Variants in VPS54 observed in about 807,000 individuals in gnomAD.
VPS54 encodes the protein VPS54 subunit of GARP complex, also known as vacuolar protein sorting-associated protein 54.
Under a neutral mutation model 121.5 loss-of-function variants are expected in VPS54, and 45 were observed. The ratio of observed to expected loss-of-function variants is 0.37; its 90% CI spans 0.29 to 0.47. The LOEUF (loss-of-function observed/expected upper bound fraction) is 0.47, where lower values mean the gene tolerates loss of function less well. Ranked by LOEUF, VPS54 falls within the 20% of genes least tolerant of loss-of-function variation. The probability of loss-of-function intolerance (pLI) is 0.99; values close to 1 mark genes in which losing one functional copy is unlikely to be tolerated. For missense variants in VPS54, 1,090 were observed against 1,131.4 expected, an observed-to-expected ratio of 0.96 and a Z score of 0.52; for synonymous variants, 371 against 385.8, an observed-to-expected ratio of 0.96 and a Z score of 0.45.
At chr2:64,005,826 A>C (rs904335572) in intron 1 of VPS54, among the ~76,000 whole-genome samples, 1 of 152,234 alleles carries the variant, frequency 6.6e-6, no homozygotes, top group Non-Finnish European at 1.5e-5. Flanking sequence ...AAGTTCACAG[A>C]TTCCCTGAAT....
intron 2 of VPS54, 126 bp downstream of exon 2, chr2:63,983,738 G>C: frequency 7.8e-7 from 1 of 1,275,942 alleles, no homozygotes; most frequent in African/African-American, 1.5e-5. Flanking sequence ...CACCGTGCCC[G>C]GCCCCCCCAA....
chr2:63,985,101 C>T (rs934777457), intron 1 of VPS54, among the ~76,000 whole-genome samples: 4 of 152,164 alleles, frequency 2.6e-5, no homozygotes, highest in Non-Finnish European at 4.4e-5. Flanking sequence ...AGGCGGATTA[C>T]TTGAGTCCTG....
At chr2:63,948,532 G>C (rs1046700054) in intron 8 of VPS54, among the ~76,000 whole-genome samples, 5 of 151,002 alleles carry the variant, frequency 3.3e-5, no homozygotes, top group African/African-American at 1.2e-4. Flanking sequence ...AAGTAGCTGG[G>C]ACTACAGGTG....
intron 7 of VPS54, among the ~76,000 whole-genome samples, chr2:63,951,983 C>CTA (rs1218621574): frequency 6.6e-6 from 1 of 152,130 alleles, no homozygotes; most frequent in Non-Finnish European, 1.5e-5. Flanking sequence ...TAACTATTTA[C>CTA]TGAATATCAA....
At chr2:63,980,307 T>C (rs1453008849) in intron 3 of VPS54, among the ~76,000 whole-genome samples, 2 of 152,150 alleles carry the variant, frequency 1.3e-5, no homozygotes, top group Non-Finnish European at 2.9e-5. Context: ...GTATATATTT[T>C]TTCCTCCTTT....
chr2:63,995,417 C>A (rs1677533742), intron 1 of VPS54, among the ~76,000 whole-genome samples: 1 of 152,222 alleles, frequency 6.6e-6, no homozygotes. Flanking sequence ...CTTGGGAATC[C>A]TCCCCCTCAA....
chr2:63,963,892 G>C (rs1037425565), intron 6 of VPS54, among the ~76,000 whole-genome samples: 1 of 151,942 alleles, frequency 6.6e-6, no homozygotes, highest in African/African-American at 2.4e-5. Context: ...TGTTTAACAG[G>C]GCCATAATAA....
At chr2:63,993,267 C>T (rs1271812860) in intron 1 of VPS54, among the ~76,000 whole-genome samples, 1 of 152,310 alleles carries the variant, frequency 6.6e-6, no homozygotes, top group East Asian at 1.9e-4. Context: ...TTAACACCTA[C>T]TTTAGGCATT....
intron 3 of VPS54, among the ~76,000 whole-genome samples, chr2:63,981,245 A>G (rs1362854143): frequency 6.6e-6 from 1 of 152,068 alleles, no homozygotes; most frequent in Non-Finnish European, 1.5e-5. Flanking sequence ...ATGTCTGGAG[A>G]TATTATAACT....
At position 63,900,506 on chromosome 2, in the gene VPS54, C is replaced by A. The variant is rs532483386; in HGVS notation, c.2626-925G>T. On this transcript the variant is annotated intron_variant, in intron 20 of 22. Coordinates refer to ENST00000272322, the MANE Select transcript of VPS54 (RefSeq NM_016516.3). ...GAATTCACACAGCTGAAGTTATATA[C>A]CGTTTTATTTATAAGACAAATTTGG... 2.0e-5 allele frequency among the ~76,000 whole-genome samples: 3 copies of A among 152,146 alleles called. No individual in the cohort carries two copies. In the South Asian group the frequency reaches 6.2e-4, roughly 32 times the overall value.
intron 12 of VPS54, among the ~76,000 whole-genome samples, chr2:63,932,690 A>G (rs1464594216): frequency 1.3e-5 from 2 of 151,968 alleles, no homozygotes; most frequent in East Asian, 1.9e-4. Context: ...ATAATAAAGT[A>G]CTGAGTTGAT....
intron 17 of VPS54, chr2:63,913,709 C>A: frequency 2.7e-6 from 1 of 373,654 alleles, no homozygotes; most frequent in Admixed American, 6.1e-5. Context: ...AATAATAAAG[C>A]ATTTCCTCCG....
intron 4 of VPS54, among the ~76,000 whole-genome samples, chr2:63,970,092 G>T (rs1676195222): frequency 6.6e-6 from 1 of 151,262 alleles, no homozygotes; most frequent in African/African-American, 2.4e-5. Flanking sequence ...TGCCTCTGCT[G>T]TGAGCTTGGT....
At chr2:63,949,437 A>T (rs1222773996) in intron 7 of VPS54, among the ~76,000 whole-genome samples, 4 of 152,080 alleles carry the variant, frequency 2.6e-5, no homozygotes, top group Admixed American at 2.6e-4. Context: ...ATAACTTTTG[A>T]CTCCCCAAAA....
chr2:63,927,589 C>G (rs964285367), intron 12 of VPS54, among the ~76,000 whole-genome samples: 2 of 152,110 alleles, frequency 1.3e-5, no homozygotes, highest in Non-Finnish European at 2.9e-5. Context: ...CTCCAAAAGC[C>G]AGAATACCTC....
chr2:63,979,830 T>C (rs1227915733), intron 3 of VPS54, among the ~76,000 whole-genome samples: 1 of 152,214 alleles, frequency 6.6e-6, no homozygotes, highest in Non-Finnish European at 1.5e-5. Flanking sequence ...TATACTGTGG[T>C]CAGAGAGCAT....
At chr2:63,947,102 A>G (rs1219538351) in intron 9 of VPS54, among the ~76,000 whole-genome samples, 2 of 151,950 alleles carry the variant, frequency 1.3e-5, no homozygotes, top group African/African-American at 4.8e-5. Context: ...AGCTTTTATA[A>G]TAATATGAGA....
chr2:63,947,530 G>T (rs41291181), intron 8 of VPS54, 40 bp from the exon 9 acceptor site: 2 of 1,375,010 alleles, frequency 1.5e-6, no homozygotes, highest in African/African-American at 2.9e-5. Flanking sequence ...TTTTAAATAT[G>T]AAGTAATTTT....
At chr2:63,927,820 G>C (rs982128495) in intron 12 of VPS54, among the ~76,000 whole-genome samples, 1 of 152,206 alleles carries the variant, frequency 6.6e-6, no homozygotes, top group Non-Finnish European at 1.5e-5. Flanking sequence ...AAGCTTAAAT[G>C]ACCTGATGGA....
Sources: gnomAD v4.1 joint callset for allele counts (sites outside exome capture counted in the v4.1 genomes callset) on GRCh38, gnomAD v4.1.1 for gene constraint, MANE v1.5 for transcripts, NCBI Gene and HGNC (gene_info 2026-07-23, HGNC 2026-07-21) for gene names.